GOLGA3: variants seen among roughly 807,000 people sequenced by gnomAD.
The protein encoded by GOLGA3 is golgin A3.
Under a neutral mutation model 169.4 loss-of-function variants are expected in GOLGA3, and 75 were observed. The observed-to-expected ratio is 0.44, with a 90% confidence interval of 0.37 to 0.54. GOLGA3 has a LOEUF of 0.54. GOLGA3 is among the 20% of genes least tolerant of loss of function. The pLI is 0.00. For synonymous variants in GOLGA3, 824 were observed against 822.4 expected, an observed-to-expected ratio of 1.00 and a Z score of -0.03; for missense variants, 1,899 against 1,930.0, an observed-to-expected ratio of 0.98 and a Z score of 0.30.
rs1192972713 is a variant in GOLGA3 at position 132,796,428 on chromosome 12, T to C, written c.2100+111A>G. On this transcript the variant is annotated intron_variant, in intron 10 of 23. Transcript: ENST00000450791. ...TCTGACCGACAGCCCAACTCCCACC[T>C]GAGCGGACGTGGCCCCACAGCAGAG... 5 of 1,311,758 alleles carry C rather than the reference T, an allele frequency of 3.8e-6. No homozygotes were observed. In the Admixed American group the frequency reaches 6.9e-5, roughly 18 times the overall value. 81.3% of individuals were successfully genotyped at this position (1,311,758 alleles called of 1,614,324 possible). A position where few individuals can be genotyped will look rare whatever the true frequency, so the allele number is the denominator to read the frequency against.
Position 132,807,319 on chromosome 12 carries a change from C to A in GOLGA3, c.1179-31G>T, listed in dbSNP as rs778672131. 4.1e-5 allele frequency: 52 copies of A among 1,266,014 alleles called. No individual in the cohort carries two copies. In the Middle Eastern group the frequency reaches 1.9e-3, roughly 47 times the overall value. 78.4% of individuals were successfully genotyped at this position (1,266,014 alleles called of 1,614,324 possible). A position where few individuals can be genotyped will look rare whatever the true frequency, so the allele number is the denominator to read the frequency against. On this transcript the variant is annotated intron_variant, in intron 5 of 23. Transcript: ENST00000450791. ...GACAAAGGCACGGGTCAGGCCTGTG[C>A]GAGCCATCCTCATTTTCTTTCACAC...
rs143930707 is a variant in GOLGA3 at position 132,780,990 on chromosome 12, G to A, written c.3466-76C>T. On this transcript the variant is annotated intron_variant, in intron 17 of 23. Transcript: ENST00000450791. ...ACACAAGGCTGCTACAGCAGGCAAC[G>A]TGACACACGCCACATCACAGGCACA... 1.9e-4 allele frequency: 197 copies of A among 1,046,324 alleles called. 3 individuals are homozygous for A. The highest frequency in any genetic ancestry group is 4.5e-4 in the East Asian group (19 of 42,376). 64.8% of individuals were successfully genotyped at this position (1,046,324 alleles called of 1,614,324 possible). A position where few individuals can be genotyped will look rare whatever the true frequency, so the allele number is the denominator to read the frequency against.
chr12:132,820,072 G>A (rs1413250027), intron 2 of GOLGA3, among the ~76,000 whole-genome samples: 1 of 152,122 alleles, frequency 6.6e-6, no homozygotes, highest in African/African-American at 2.4e-5. Flanking sequence ...AGCTACTCAG[G>A]AGGCTGAGGC....
At position 132,784,221 on chromosome 12, in the gene GOLGA3, C is replaced by T. The variant is rs751023340; in HGVS notation, c.3210G>A (p.Ala1070=). ...LLEKELQEVI[A]LTSQELEESR... ...ACTCCTCCAGCTCCTGGCTGGTCAGCGCTATGACCTCCTGCAGTTCCTTTT... is the reference window on the plus strand; with the variant it reads ...ACTCCTCCAGCTCCTGGCTGGTCAGTGCTATGACCTCCTGCAGTTCCTTTT... The change falls in exon 16 of 24, where the codon GCG becomes GCA. Residue 1070 remains alanine (A), a synonymous_variant. Transcript: ENST00000450791. 23 of 1,610,918 alleles carry T rather than the reference C, an allele frequency of 1.4e-5. No individual in the cohort carries two copies. The highest frequency in any genetic ancestry group is 3.3e-5 in the Admixed American group (2 of 60,006).
chr12:132,807,171 C>T lies in GOLGA3; in HGVS notation c.1290+6G>A, dbSNP rs777377356. 7.3e-5 allele frequency: 115 copies of T among 1,571,480 alleles called. No homozygotes were observed. The highest frequency in any genetic ancestry group is 9.2e-5 in the Non-Finnish European group (106 of 1,147,730). On this transcript the variant is annotated splice_donor_region_variant and intron_variant, in intron 6 of 23. Transcript: ENST00000450791. ...CACGCTGAGATGTCAGTCGAACGTCCGTTACCTGACTCGCCTCCAGTGACA... is the reference window on the plus strand; with the variant it reads ...CACGCTGAGATGTCAGTCGAACGTCTGTTACCTGACTCGCCTCCAGTGACA...
intron 1 of GOLGA3, among the ~76,000 whole-genome samples, chr12:132,823,730 T>C (rs1318383450): frequency 6.6e-6 from 1 of 150,420 alleles, no homozygotes; most frequent in Non-Finnish European, 1.5e-5. Flanking sequence ...GAGGTTGCAC[T>C]GAACCAAGAC....
intron 11 of GOLGA3, among the ~76,000 whole-genome samples, chr12:132,793,727 A>G (rs61951353): frequency 0.33 from 26,288 of 78,982 alleles, 5,382 homozygotes; most frequent in East Asian, 0.51. Flanking sequence ...CAGACCCACC[A>G]CACGGGATCT....
chr12:132,798,612 A>G, intron 8 of GOLGA3, 135 bp from the exon 9 acceptor site: 1 of 463,236 alleles, frequency 2.2e-6, no homozygotes. Flanking sequence ...CCCACTACCC[A>G]CTACACGTCT....
chr12:132,796,690 A>C lies in GOLGA3; in HGVS notation c.1949T>G (p.Leu650Trp), dbSNP rs747076594. 2.5e-6 allele frequency: 4 copies of C among 1,613,784 alleles called. No individual in the cohort carries two copies. In the Admixed American group the frequency reaches 6.7e-5, roughly 27 times the overall value. ...AQLQGIEADM[L>W]DQEAAFMQIQ... The stretch of plus-strand genomic sequence containing the variant: ...CTGCATGAAGGCTGCTTCCTGATCC[A>C]ACATGTCAGCCTGAGCCCAGGAAAC... Residue 650 changes from leucine to tryptophan, a missense_variant, in exon 10 of 24, where the codon TTG (leucine) becomes TGG (tryptophan). Leu to Trp is a moderately conservative substitution (Grantham distance 61, BLOSUM62 -2). Transcript: ENST00000450791.
At position 132,786,524 on chromosome 12, in the gene GOLGA3, G is replaced by A. The variant is rs754600510; in HGVS notation, c.2938C>T (p.Arg980Trp). 2.6e-5 allele frequency: 42 copies of A among 1,613,588 alleles called. 1 individual carries two copies. The highest frequency in any genetic ancestry group is 1.2e-4 in the South Asian group (11 of 91,068). ...GCGCTGGTCAAGTCTGAGCCCAGCC[G>A]CCTCATCTTCTGCTTCTGTTCCGTG... is the stretch of plus-strand genomic sequence containing the variant. ...AITEQKQKMR[R>W]LGSDLTSAQK... is the part of the protein sequence containing the mutation. Residue 980 changes from arginine to tryptophan, a missense_variant, in exon 15 of 24, where the codon CGG becomes TGG. Transcript: ENST00000450791.
In GOLGA3 at chr12:132,826,132, C is replaced by T. The variant is rs544860967; in HGVS notation, c.-184+2671G>A. On this transcript the variant is annotated intron_variant, in intron 1 of 23. Coordinates refer to ENST00000450791, the MANE Select transcript of GOLGA3 (RefSeq NM_001389683.1). Reference sequence around the variant, plus strand: ...CTCTGAGCAAGACAGTGCACCTCAACGTGCTCCAGGTCACCAAGGCTGCCA... The same window carrying T: ...CTCTGAGCAAGACAGTGCACCTCAATGTGCTCCAGGTCACCAAGGCTGCCA... The T allele has an allele frequency of 3.8e-6, 6 of 1,575,862 alleles. No homozygotes were observed. The African/African-American group carries it at 4.1e-5, about 11-fold the overall frequency.
intron 1 of GOLGA3, chr12:132,825,692 G>C (rs899627455): frequency 1.7e-6 from 2 of 1,168,934 alleles, no homozygotes; most frequent in Non-Finnish European, 2.6e-6. Flanking sequence ...TTTTTCAGTG[G>C]CCGGGAAGAT....
chr12:132,809,457 C>T (rs1949593676), intron 4 of GOLGA3, among the ~76,000 whole-genome samples: 2 of 149,762 alleles, frequency 1.3e-5, no homozygotes, highest in South Asian at 2.1e-4. Context: ...CCCCGGTTCC[C>T]GGTCTGCTAA....
chr12:132,826,563 C>A (rs1043330225), intron 1 of GOLGA3, among the ~76,000 whole-genome samples: 2 of 152,012 alleles, frequency 1.3e-5, no homozygotes, highest in Admixed American at 6.6e-5. Flanking sequence ...AATTCCCCTG[C>A]TGGTGTCCAA....
At chr12:132,823,506 C>T (rs1359815265) in intron 1 of GOLGA3, among the ~76,000 whole-genome samples, 1 of 152,256 alleles carries the variant, frequency 6.6e-6, no homozygotes, top group Admixed American at 6.5e-5. Flanking sequence ...CCACATGGGG[C>T]CGGGTGCGGT....
chr12:132,778,893 G>GAA (rs58841336), intron 18 of GOLGA3, among the ~76,000 whole-genome samples: 39 of 141,752 alleles, frequency 2.8e-4, no homozygotes, highest in Middle Eastern at 3.6e-3. Flanking sequence ...GACTCCGTCT[G>GAA]AAAAAAAAAA....
chr12:132,780,992 G>T, intron 17 of GOLGA3, 78 bp from the exon 18 acceptor site: 1 of 1,017,020 alleles, frequency 9.8e-7, no homozygotes, highest in Non-Finnish European at 1.5e-6. Context: ...CAGGCAACGT[G>T]ACACACGCCA....
intron 2 of GOLGA3, among the ~76,000 whole-genome samples, chr12:132,821,079 G>C (rs537097654): frequency 4.7e-5 from 5 of 105,940 alleles, no homozygotes; most frequent in Non-Finnish European, 8.8e-5. Context: ...CAGCCTGGGC[G>C]ACAGAACAGG....
intron 18 of GOLGA3, among the ~76,000 whole-genome samples, chr12:132,779,883 TGTAC>T (rs1365725170): frequency 1.7e-5 from 2 of 119,888 alleles, no homozygotes; most frequent in African/African-American, 6.3e-5. Flanking sequence ...CACACACGTG[TGTAC>T]AGACATCACA....
Sources: gnomAD v4.1 joint callset for allele counts (sites outside exome capture counted in the v4.1 genomes callset) on GRCh38, gnomAD v4.1.1 for gene constraint, MANE v1.5 for transcripts, NCBI Gene and HGNC (gene_info 2026-07-23, HGNC 2026-07-21) for gene names.